Variants in FRMD3 observed in about 807,000 individuals in gnomAD.
FRMD3 encodes the protein FERM domain containing 3, also known as FERM domain-containing protein 3.
In FRMD3, 33 loss-of-function variants were observed where a neutral mutation model predicts 70.2. That is an observed-to-expected ratio of 0.47 (90% CI 0.36 to 0.63). FRMD3 has a LOEUF of 0.63. Ranked by LOEUF, FRMD3 falls within the 20% of genes least tolerant of loss-of-function variation. FRMD3 has a pLI of 0.00. For missense variants in FRMD3, 632 were observed against 711.4 expected (o/e 0.89, Z 1.27); for synonymous variants, 279 against 255.9 (o/e 1.09, Z -0.86).
In FRMD3 at chr9:83,309,550, G is replaced by A; in HGVS notation, c.912C>T (p.Asn304=). ...AAGCCACTTACTTATAAAAGGCCTG[G>A]TTTTCCACTCCACACTTCCAAAGAT... ...CKHLWKCGVE[N]QAFYKYAKSS... Residue 304 remains asparagine, a synonymous_variant, in exon 10 of 14, where the codon AAC becomes AAT. Coordinates refer to ENST00000304195, the MANE Select transcript of FRMD3 (RefSeq NM_174938.6). 1 of 1,587,718 alleles carries A rather than the reference G, an allele frequency of 6.3e-7. No individual in the cohort carries two copies. The highest frequency in any genetic ancestry group is 8.6e-7 in the Non-Finnish European group (1 of 1,166,160).
intron 1 of FRMD3, among the ~76,000 whole-genome samples, chr9:83,515,494 T>A (rs778211344): frequency 6.6e-6 from 1 of 152,160 alleles, no homozygotes. Context: ...CTACATTTGA[T>A]TGATGTAACT....
chr9:83,526,072 C>T (rs1314757696), intron 1 of FRMD3, among the ~76,000 whole-genome samples: 3 of 152,162 alleles, frequency 2.0e-5, no homozygotes, highest in Non-Finnish European at 4.4e-5. Flanking sequence ...CTCAGACGCC[C>T]TACAGGCACT....
intron 3 of FRMD3, among the ~76,000 whole-genome samples, chr9:83,359,493 C>T (rs1824513877): frequency 6.6e-6 from 1 of 152,186 alleles, no homozygotes; most frequent in Non-Finnish European, 1.5e-5. Context: ...GGGCATCAAA[C>T]TTTCTCTGTA....
At chr9:83,460,836 TGTTA>T (rs1564088500) in intron 1 of FRMD3, among the ~76,000 whole-genome samples, 3 of 152,184 alleles carry the variant, frequency 2.0e-5, no homozygotes, top group African/African-American at 7.2e-5. Flanking sequence ...AATTTTTAAA[TGTTA>T]GTAACTAATT....
In FRMD3 at chr9:83,245,021, T is replaced by C; in HGVS notation, c.*2897A>G. Reference sequence around the variant, plus strand: ...TTTATATCCACAAATGTACACTCAGTGGCATTTATGGAAAATTTAACCCTT... The same window carrying C: ...TTTATATCCACAAATGTACACTCAGCGGCATTTATGGAAAATTTAACCCTT... On this transcript the variant is annotated 3_prime_UTR_variant, in exon 14 of 14. Transcript: ENST00000304195. The C allele has an allele frequency of 1.0e-6, 1 of 985,016 alleles. No individual in the cohort carries two copies. Among genetic ancestry groups the C allele is most frequent in the African/African-American group, 1.7e-5 (1 of 57,354 alleles). The allele number at this position is 985,016 out of a possible 1,614,324, so 61.0% of individuals were successfully genotyped here.
chr9:83,497,890 G>A (rs1218243929), intron 1 of FRMD3, among the ~76,000 whole-genome samples: 1 of 152,258 alleles, frequency 6.6e-6, no homozygotes, highest in African/African-American at 2.4e-5. Context: ...GCTCATGCCT[G>A]TAATCCTAGC....
At chr9:83,442,672 C>T (rs1294972068) in intron 1 of FRMD3, among the ~76,000 whole-genome samples, 4 of 151,994 alleles carry the variant, frequency 2.6e-5, no homozygotes, top group African/African-American at 9.7e-5. Flanking sequence ...CCTCCACGAC[C>T]ACCCCACCCC....
chr9:83,381,952 A>G (rs1264721018), intron 2 of FRMD3, among the ~76,000 whole-genome samples: 1 of 152,220 alleles, frequency 6.6e-6, no homozygotes, highest in African/African-American at 2.4e-5. Flanking sequence ...TTACAAAAAC[A>G]GTTGGAAAGC....
intron 2 of FRMD3, among the ~76,000 whole-genome samples, chr9:83,374,789 T>G (rs901880253): frequency 6.6e-6 from 1 of 152,194 alleles, no homozygotes; most frequent in Non-Finnish European, 1.5e-5. Context: ...ACCGCATCTT[T>G]CAATATATGT....
intron 1 of FRMD3, among the ~76,000 whole-genome samples, chr9:83,478,627 A>T (rs941949485): frequency 1.3e-5 from 2 of 152,176 alleles, no homozygotes; most frequent in Non-Finnish European, 2.9e-5. Context: ...TTACCATAGG[A>T]TCCAGCAATC....
chr9:83,441,872 C>CAA (rs34559228), intron 1 of FRMD3, among the ~76,000 whole-genome samples: 164 of 151,852 alleles, frequency 1.1e-3, no homozygotes, highest in South Asian at 4.4e-3. Context: ...TTGAAACTGC[C>CAA]AAAAAAAGGC....
chr9:83,382,530 C>G (rs991560257), intron 2 of FRMD3, among the ~76,000 whole-genome samples: 1 of 152,134 alleles, frequency 6.6e-6, no homozygotes, highest in Non-Finnish European at 1.5e-5. Context: ...GTACAACCAG[C>G]AGGTGGCAGA....
intron 3 of FRMD3, among the ~76,000 whole-genome samples, chr9:83,363,860 T>C (rs11140055): frequency 2.6e-5 from 4 of 152,286 alleles, no homozygotes; most frequent in East Asian, 1.9e-4. Context: ...GGCTGAGACA[T>C]AGGCATTTTT....
the FRMD3 span, among the ~76,000 whole-genome samples, chr9:83,578,544 T>C: frequency 6.6e-6 from 1 of 151,936 alleles, no homozygotes; most frequent in Non-Finnish European, 1.5e-5. Flanking sequence ...AAATGTGATA[T>C]ACCACATTTA....
At chr9:83,300,631 T>C (rs6559719) in intron 10 of FRMD3, among the ~76,000 whole-genome samples, 139,637 of 152,190 alleles carry the variant, frequency 0.92, 64,463 homozygotes, top group East Asian at 1. Context: ...TCTCAGAATT[T>C]ACCACAATAT....
chr9:83,428,898 G>C (rs1043088743), intron 1 of FRMD3, among the ~76,000 whole-genome samples: 1 of 151,878 alleles, frequency 6.6e-6, no homozygotes, highest in African/African-American at 2.4e-5. Context: ...ATGAAAGCAA[G>C]TTAATTCCTC....
intron 1 of FRMD3, among the ~76,000 whole-genome samples, chr9:83,420,937 CTT>C (rs897070718): frequency 0.029 from 3,127 of 107,546 alleles, 19 homozygotes; most frequent in Non-Finnish European, 0.038. Flanking sequence ...TTTCTTTCTT[CTT>C]TTTTTTTTTT....
chr9:83,305,718 G>A (rs1470028532), intron 10 of FRMD3, among the ~76,000 whole-genome samples: 1 of 152,190 alleles, frequency 6.6e-6, no homozygotes, highest in African/African-American at 2.4e-5. Flanking sequence ...GGATAATGGA[G>A]GAACAAAATG....
At chr9:83,386,178 T>C (rs1587802258) in intron 2 of FRMD3, among the ~76,000 whole-genome samples, 2 of 152,306 alleles carry the variant, frequency 1.3e-5, no homozygotes, top group South Asian at 4.1e-4. Context: ...TCACACAGCT[T>C]ACTAATCAGG....
Sources: allele counts gnomAD v4.1 joint callset (sites outside exome capture counted in the v4.1 genomes callset), GRCh38; gene constraint gnomAD v4.1.1; transcripts MANE v1.5; gene names NCBI Gene and HGNC (gene_info 2026-07-23, HGNC 2026-07-21).